The following AFDN variants were observed in gnomAD, a reference collection of about 807,000 sequenced individuals.
AFDN encodes the protein afadin, adherens junction formation factor.
AFDN carries 68 observed loss-of-function variants against 216.6 expected under a neutral mutation model. The observed-to-expected ratio is 0.31, with a 90% CI of 0.26 to 0.38. AFDN has a LOEUF of 0.38. AFDN is among the 10% of genes least tolerant of loss of function. The pLI is 1.00. For missense variants in AFDN, 2,136 were observed against 2,342.0 expected (o/e 0.91, Z 1.82); for synonymous variants, 868 against 853.7 (o/e 1.02, Z -0.29).
intron 22 of AFDN, 116 bp from the exon 23 acceptor site, chr6:167,924,889 C>T: frequency 1.3e-6 from 1 of 796,910 alleles, no homozygotes; most frequent in Admixed American, 1.7e-5. Context: ...ATCTTCTCAT[C>T]CTTTTTCTTT....
intron 7 of AFDN, 121 bp from the exon 8 acceptor site, chr6:167,890,741 T>C: frequency 1.2e-6 from 1 of 867,026 alleles, no homozygotes. Context: ...AGTGATTCCT[T>C]GGCAGATGTT....
At chr6:167,849,326 G>C (rs537018484) in intron 1 of AFDN, among the ~76,000 whole-genome samples, 2 of 152,018 alleles carry the variant, frequency 1.3e-5, no homozygotes, top group Non-Finnish European at 2.9e-5. Flanking sequence ...GGGGGGGAGA[G>C]ATTTCCAGCA....
At chr6:167,890,266 A>G (rs1436319599) in intron 7 of AFDN, among the ~76,000 whole-genome samples, 1 of 152,240 alleles carries the variant, frequency 6.6e-6, no homozygotes, top group African/African-American at 2.4e-5. Flanking sequence ...AAAACAGTGT[A>G]AAGTTAAAAT....
chr6:167,857,946 G>A (rs1783087216), intron 1 of AFDN, among the ~76,000 whole-genome samples: 4 of 152,144 alleles, frequency 2.6e-5, no homozygotes, highest in South Asian at 4.1e-4. Flanking sequence ...TAAAGATTAT[G>A]ATTGAGTTAT....
intron 23 of AFDN, among the ~76,000 whole-genome samples, chr6:167,931,228 A>G (rs1196563903): frequency 1.3e-5 from 2 of 152,216 alleles, no homozygotes. Context: ...TCTCAAGAAG[A>G]TGAATCTTGA....
At chr6:167,926,342 C>T (rs893177405) in intron 23 of AFDN, among the ~76,000 whole-genome samples, 2 of 152,242 alleles carry the variant, frequency 1.3e-5, no homozygotes, top group Non-Finnish European at 2.9e-5. Flanking sequence ...TGGCTTTGAA[C>T]CGAAGGCTAG....
chr6:167,904,786 G>C (rs1789443250), intron 12 of AFDN, among the ~76,000 whole-genome samples: 1 of 152,122 alleles, frequency 6.6e-6, no homozygotes, highest in South Asian at 2.1e-4. Context: ...ATGGCAGGAG[G>C]ACCACACGGC....
chr6:167,872,093 C>T (rs113165856), intron 3 of AFDN, 121 bp from the exon 4 acceptor site: 20 of 896,132 alleles, frequency 2.2e-5, no homozygotes, highest in Non-Finnish European at 3.5e-5. Context: ...CCAGACCTTC[C>T]TGTGTTTCAG....
At chr6:167,963,098 T>C (rs1312840913) in intron 31 of AFDN, 2 of 1,067,892 alleles carry the variant, frequency 1.9e-6, no homozygotes, top group African/African-American at 3.3e-5. Context: ...CCAGTAAATA[T>C]CCTAAGTTAT....
chr6:167,840,830 T>C (rs1780988993), intron 1 of AFDN, among the ~76,000 whole-genome samples: 1 of 151,950 alleles, frequency 6.6e-6, no homozygotes. Context: ...CATGAGGAGG[T>C]TGACAGTTCA....
chr6:167,963,101 TAA>T, intron 31 of AFDN: 1 of 1,068,296 alleles, frequency 9.4e-7, no homozygotes, highest in Non-Finnish European at 1.1e-6. Context: ...GTAAATATCC[TAA>T]GTTATTTATT....
intron 28 of AFDN, 61 bp from the exon 29 acceptor site, chr6:167,948,232 A>G (rs534373215): frequency 1.4e-6 from 2 of 1,413,842 alleles, no homozygotes; most frequent in East Asian, 4.6e-5. Context: ...AGATCATTGA[A>G]AATCAAGTTA....
Position 167,971,661 on chromosome 6 carries a change from A to G in AFDN, c.*1726A>G, listed in dbSNP as rs756268274. 1 of 195,662 alleles carries G rather than the reference A, an allele frequency of 5.1e-6. No homozygotes were observed. Among genetic ancestry groups the G allele is most frequent in the Non-Finnish European group, 1.1e-5 (1 of 94,426 alleles). The allele number at this position is 195,662 out of a possible 1,614,324, so 12.1% of individuals were successfully genotyped here. A position where few individuals can be genotyped will look rare whatever the true frequency, so the allele number is the denominator to read the frequency against. ...AGATGAATTACTTTTCTGTTAATAT[A>G]TAGAAAAATACACAGGAGAACATGC... On this transcript the variant is annotated 3_prime_UTR_variant, in exon 34 of 34. Transcript: ENST00000683244.
chr6:167,907,353 T>TA, intron 13 of AFDN, 64 bp downstream of exon 13: 1 of 1,289,256 alleles, frequency 7.8e-7, no homozygotes. Context: ...AGGGTTGGGA[T>TA]AAAGATTGTT....
In AFDN at chr6:167,971,287, C is replaced by CA. The variant is rs1280238157; in HGVS notation, c.*1353dup. ...CACATACGTATGTTAGGAAAATAGA[C>CA]ACATTTTCAAAGAGAATGTTCTCTT... On this transcript the variant is annotated 3_prime_UTR_variant, in exon 34 of 34. Coordinates refer to ENST00000683244, the MANE Select transcript of AFDN (RefSeq NM_001386888.1). 1 of 218,318 alleles carries CA rather than the reference C, an allele frequency of 4.6e-6. No homozygotes were observed. The highest frequency in any genetic ancestry group is 2.2e-5 in the African/African-American group (1 of 44,616). 13.5% of individuals were successfully genotyped at this position (218,318 alleles called of 1,614,324 possible). A position where few individuals can be genotyped will look rare whatever the true frequency, so the allele number is the denominator to read the frequency against.
chr6:167,943,891 G>C, intron 25 of AFDN, 50 bp from the exon 26 acceptor site: 1 of 1,452,180 alleles, frequency 6.9e-7, no homozygotes, highest in Non-Finnish European at 9.7e-7. Context: ...TCATGACAGA[G>C]CAGGCACTGC....
chr6:167,875,274 G>A (rs1042739955), intron 4 of AFDN, 61 bp from the exon 5 acceptor site: 1 of 1,517,380 alleles, frequency 6.6e-7, no homozygotes, highest in Admixed American at 1.9e-5. Flanking sequence ...CGGTTGCAAT[G>A]TGTCTATTTC....
Position 167,917,191 on chromosome 6 carries a change from C to T in AFDN, c.2668C>T (p.Gln890Ter). The change falls in exon 20 of 34, where the codon CAG becomes TAG. Residue 890 changes from glutamine (Q) to a stop codon, truncating the protein, a stop_gained. Transcript: ENST00000683244. LOFTEE classifies it high-confidence loss of function. ...LNSLQLQALL[Q>*]NYHCAPDEPF... ...TTCATTACAACTTCAAGCCTTATTA[C>T]AGAACTATCACTGTGCACCTGATGA... 1 of 1,610,356 alleles carries T rather than the reference C, an allele frequency of 6.2e-7. No homozygotes were observed. Among genetic ancestry groups the T allele is most frequent in the Non-Finnish European group, 8.5e-7 (1 of 1,179,064 alleles).
At chr6:167,867,968 T>A (rs1784374938) in intron 2 of AFDN, among the ~76,000 whole-genome samples, 1 of 152,158 alleles carries the variant, frequency 6.6e-6, no homozygotes, top group African/African-American at 2.4e-5. Context: ...AATTAATAGT[T>A]CTCTTCCCCT....
Sources: allele counts gnomAD v4.1 joint callset (sites outside exome capture counted in the v4.1 genomes callset), GRCh38; gene constraint gnomAD v4.1.1; transcripts MANE v1.5; gene names NCBI Gene and HGNC (gene_info 2026-07-23, HGNC 2026-07-21).